ZNF641: variants seen among roughly 807,000 people sequenced by gnomAD.
The protein encoded by ZNF641 is zinc finger protein 641.
A neutral mutation model predicts 46.2 loss-of-function variants in ZNF641; 26 were observed. The observed-to-expected ratio is 0.56, with a 90% CI of 0.41 to 0.78. The LOEUF is 0.78. Among genes scored for constraint, ZNF641 ranks in the 30% least tolerant of loss-of-function variants. ZNF641 has a pLI of 0.00. For missense variants in ZNF641, 469 were observed against 517.8 expected, an observed-to-expected ratio of 0.91 and a Z score of 0.91; for synonymous variants, 163 against 187.9, an observed-to-expected ratio of 0.87 and a Z score of 1.09.
chr12:48,349,171 G>A (rs1163895207), intron 1 of ZNF641, among the ~76,000 whole-genome samples: 1 of 152,136 alleles, frequency 6.6e-6, no homozygotes, highest in African/African-American at 2.4e-5. Flanking sequence ...AATGGGTCTT[G>A]ATTGCAAGAG....
In ZNF641 at chr12:48,340,392, T is replaced by A. The variant is rs1018652416; in HGVS notation, c.*2581A>T. On this transcript the variant is annotated 3_prime_UTR_variant, in exon 6 of 6. Coordinates refer to ENST00000547026, the MANE Select transcript of ZNF641 (RefSeq NM_001172681.2). The stretch of plus-strand genomic sequence containing the variant: ...GTGATCTAATAGTAAGGAATATCAC[T>A]TCCCACAAGTCCTTCAAACAAGATT... The A allele has an allele frequency of 5.1e-6, 5 of 985,334 alleles. No homozygotes were observed. In the Admixed American group the frequency reaches 2.5e-4, roughly 48 times the overall value. The allele number at this position is 985,334 out of a possible 1,614,324, so 61.0% of individuals were successfully genotyped here. A position where few individuals can be genotyped will look rare whatever the true frequency, so the allele number is the denominator to read the frequency against.
rs865824859 is a variant in ZNF641 at position 48,344,597 on chromosome 12, A to C, written c.520+2T>G. The C allele has an allele frequency of 6.3e-7, 1 of 1,595,194 alleles. No homozygotes were observed. On this transcript the variant is annotated splice_donor_variant, in intron 5 of 5. Transcript: ENST00000547026. LOFTEE classifies it high-confidence loss of function. ...GGCTGAAAGCCTATTCTAGGTTCTT[A>C]CCTGTATATGTGACCCTCAGAATGT... is the stretch of plus-strand genomic sequence containing the variant.
rs1952696883 is a variant in ZNF641 at position 48,340,616 on chromosome 12, G to T, written c.*2357C>A. The T allele has an allele frequency of 1.0e-6, 1 of 985,282 alleles. No individual in the cohort carries two copies. The highest frequency in any genetic ancestry group is 1.2e-6 in the Non-Finnish European group (1 of 829,942). 61.0% of individuals were successfully genotyped at this position (985,282 alleles called of 1,614,324 possible). A position where few individuals can be genotyped will look rare whatever the true frequency, so the allele number is the denominator to read the frequency against. Reference sequence around the variant, plus strand: ...ATATATAATGACCATTTTAGATCGGGGAACTCCCTTTCTTTGAAGGCAGTT... The same window carrying T: ...ATATATAATGACCATTTTAGATCGGTGAACTCCCTTTCTTTGAAGGCAGTT... On this transcript the variant is annotated 3_prime_UTR_variant, in exon 6 of 6. Transcript: ENST00000547026.
At chr12:48,334,792 C>T (rs1592135670), downstream of ZNF641, among the ~76,000 whole-genome samples, 1 of 152,324 alleles carries the variant, frequency 6.6e-6, no homozygotes, top group South Asian at 2.1e-4. Context: ...CAATTAGAGG[C>T]TGGCTAGGTA....
downstream of ZNF641, among the ~76,000 whole-genome samples, chr12:48,336,118 T>A (rs1169165115): frequency 2.6e-5 from 4 of 151,934 alleles, no homozygotes; most frequent in African/African-American, 9.7e-5. Flanking sequence ...TACACATAAA[T>A]ACCAAAAAAA....
chr12:48,336,552 C>G (rs575357466), downstream of ZNF641, among the ~76,000 whole-genome samples: 1 of 152,318 alleles, frequency 6.6e-6, no homozygotes, highest in Non-Finnish European at 1.5e-5. Context: ...TCAACACAGG[C>G]CCTTCCTGTC....
Position 48,340,265 on chromosome 12 carries a change from C to T in ZNF641, c.*2708G>A, listed in dbSNP as rs147620145. Reference sequence around the variant, plus strand: ...CCTTAGACTCCATGATGCCTTTCAGCTGGGTGCTATACTTGCACCTAACTC... The same window carrying T: ...CCTTAGACTCCATGATGCCTTTCAGTTGGGTGCTATACTTGCACCTAACTC... On this transcript the variant is annotated 3_prime_UTR_variant, in exon 6 of 6. Transcript: ENST00000547026. The T allele has an allele frequency of 6.1e-6, 6 of 985,458 alleles. No homozygotes were observed. The highest frequency in any genetic ancestry group is 7.2e-6 in the Non-Finnish European group (6 of 829,940). The allele number at this position is 985,458 out of a possible 1,614,324, so 61.0% of individuals were successfully genotyped here. A position where few individuals can be genotyped will look rare whatever the true frequency, so the allele number is the denominator to read the frequency against.
intron 1 of ZNF641, among the ~76,000 whole-genome samples, chr12:48,349,840 G>A (rs1952978057): frequency 6.6e-6 from 1 of 152,136 alleles, no homozygotes; most frequent in African/African-American, 2.4e-5. Context: ...TAGCTCCTGT[G>A]CAAATCCTCC....
intron 2 of ZNF641, 97 bp downstream of exon 2, chr12:48,347,809 AT>A: frequency 8.4e-7 from 1 of 1,192,192 alleles, no homozygotes; most frequent in Non-Finnish European, 1.2e-6. Context: ...AGGTTATGCT[AT>A]TTAGTCCATG....
downstream of ZNF641, among the ~76,000 whole-genome samples, chr12:48,334,815 G>A (rs1339138820): frequency 2.0e-5 from 3 of 152,224 alleles, no homozygotes; most frequent in African/African-American, 4.8e-5. Context: ...TAGAGAAGGA[G>A]GTTCTTGGGA....
At chr12:48,351,031 A>AGAGGAGTGGGAGGGAGAGGAGT (rs1298971685), upstream of ZNF641, 5 of 56,170 alleles carry the variant, frequency 8.9e-5, no homozygotes, top group South Asian at 2.3e-3. Flanking sequence ...AGTGGGAGGG[A>AGAGGAGTGGGAGGGAGAGGAGT]GGGAGGGAGG....
chr12:48,340,352 GTAGT>G lies in ZNF641; in HGVS notation c.*2617_*2620del, dbSNP rs1952689723. 2 of 985,424 alleles carry G rather than the reference GTAGT, an allele frequency of 2.0e-6. No homozygotes were observed. The highest frequency in any genetic ancestry group is 2.3e-4 in the East Asian group (2 of 8,810). 61.0% of individuals were successfully genotyped at this position (985,424 alleles called of 1,614,324 possible). A position where few individuals can be genotyped will look rare whatever the true frequency, so the allele number is the denominator to read the frequency against. On this transcript the variant is annotated 3_prime_UTR_variant, in exon 6 of 6. Coordinates refer to ENST00000547026, the MANE Select transcript of ZNF641 (RefSeq NM_001172681.2). ...CAGATAAAAGGCTGGATGTTAACAT[GTAGT>G]TATAAGGGGCGTGATCTAATAGTAA...
At position 48,341,663 on chromosome 12, in the gene ZNF641, G is replaced by A. The variant is rs921478915; in HGVS notation, c.*1310C>T. ...AACAACTTGCAAACACGTAATTCCT[G>A]CCCTAATTTTCCAGCACTTAAAACA... On this transcript the variant is annotated 3_prime_UTR_variant, in exon 6 of 6. Transcript: ENST00000547026. 3.0e-6 allele frequency: 3 copies of A among 985,264 alleles called. No homozygotes were observed. Among genetic ancestry groups the A allele is most frequent in the African/African-American group, 3.5e-5 (2 of 57,204 alleles). 61.0% of individuals were successfully genotyped at this position (985,264 alleles called of 1,614,324 possible).
At position 48,350,785 on chromosome 12, in the gene ZNF641, C is replaced by A. The variant is rs985417463; in HGVS notation, c.-26+1G>T. The A allele has an allele frequency of 3.1e-6, 3 of 980,366 alleles. No individual in the cohort carries two copies. The highest frequency in any genetic ancestry group is 6.1e-5 in the Admixed American group (1 of 16,262). 60.7% of individuals were successfully genotyped at this position (980,366 alleles called of 1,614,324 possible). On this transcript the variant is annotated splice_donor_variant, in intron 1 of 5. Transcript: ENST00000547026. LOFTEE classifies it low-confidence loss of function (5UTR_SPLICE). ...GCTCCCTCCGGCCCGGCTCCACTCACCCCCGGTAGGCTTGGCCCGCGGCCC... is the reference window on the plus strand; with the variant it reads ...GCTCCCTCCGGCCCGGCTCCACTCAACCCCGGTAGGCTTGGCCCGCGGCCC...
chr12:48,350,275 A>G, intron 1 of ZNF641: 2 of 1,406,692 alleles, frequency 1.4e-6, no homozygotes, highest in South Asian at 3.1e-5. Context: ...GCCATGTTAT[A>G]AAAATGAGTA....
In ZNF641 at chr12:48,340,857, A is replaced by G. The variant is rs1041894435; in HGVS notation, c.*2116T>C. The stretch of plus-strand genomic sequence containing the variant: ...GAGTCCAGATTTATCACTGAACCCA[A>G]TACTTTCTTACTCCCTGGGGCATCT... On this transcript the variant is annotated 3_prime_UTR_variant, in exon 6 of 6. Coordinates refer to ENST00000547026, the MANE Select transcript of ZNF641 (RefSeq NM_001172681.2). The G allele has an allele frequency of 5.3e-5, 52 of 985,466 alleles. No homozygotes were observed. Among genetic ancestry groups the G allele is most frequent in the Non-Finnish European group, 6.1e-5 (51 of 829,932 alleles). The allele number at this position is 985,466 out of a possible 1,614,324, so 61.0% of individuals were successfully genotyped here. A position where few individuals can be genotyped will look rare whatever the true frequency, so the allele number is the denominator to read the frequency against.
chr12:48,343,125 T>C lies in ZNF641; in HGVS notation c.1123A>G (p.Arg375Gly). 2.5e-6 allele frequency: 4 copies of C among 1,614,212 alleles called. No homozygotes were observed. ...TCCCCAGTGTGGGTCAGCCAGTGTC[T>C]CACAAGGTGGTGCCTTCGGCCAAAG... ...KSFGRRHHLV[R>G]HWLTHTGEKP... is the part of the protein sequence containing the mutation. The change falls in exon 6 of 6, where the codon AGA becomes GGA. Residue 375 changes from arginine (R) to glycine (G), a missense_variant. By Grantham distance (125) the Arg-to-Gly change is moderately radical. Coordinates refer to ENST00000547026, the MANE Select transcript of ZNF641 (RefSeq NM_001172681.2).
In ZNF641 at chr12:48,345,509, G is replaced by GT. The variant is rs527647622; in HGVS notation, c.277-36dup. 2.4e-3 allele frequency: 3,865 copies of GT among 1,612,854 alleles called. 5 individuals are homozygous for GT. The highest frequency in any genetic ancestry group is 3.0e-3 in the Non-Finnish European group (3,570 of 1,179,238). ...AATGTAGCATCTTCTGTCAGCAGCT[G>GT]TTTTTTAAGGAAAATGTGATTCAGT... On this transcript the variant is annotated intron_variant, in intron 3 of 5. Coordinates refer to ENST00000547026, the MANE Select transcript of ZNF641 (RefSeq NM_001172681.2).
At chr12:48,343,829 C>T (rs1196772179) in intron 5 of ZNF641, 102 bp from the exon 6 acceptor site, 1 of 1,167,618 alleles carries the variant, frequency 8.6e-7, no homozygotes, top group Non-Finnish European at 1.2e-6. Context: ...AGGGCCCAGA[C>T]TTGACCCCAG....
Sources: allele counts gnomAD v4.1 joint callset (sites outside exome capture counted in the v4.1 genomes callset), GRCh38; gene constraint gnomAD v4.1.1; transcripts MANE v1.5; gene names NCBI Gene and HGNC (gene_info 2026-07-23, HGNC 2026-07-21).